The following ADGRL2 variants were observed in gnomAD, a reference collection of about 807,000 sequenced individuals.
The protein encoded by ADGRL2 is calcium-independent alpha-latrotoxin receptor 2.
A neutral mutation model predicts 157.4 loss-of-function variants in ADGRL2; 44 were observed. That is an observed-to-expected ratio of 0.28 (90% CI 0.22 to 0.36). The LOEUF (loss-of-function observed/expected upper bound fraction) is 0.36, where lower values mean the gene tolerates loss of function less well. Among genes scored for constraint, ADGRL2 ranks in the 10% least tolerant of loss-of-function variants. ADGRL2 has a pLI of 1.00. For missense variants in ADGRL2, 1,510 were observed against 1,768.9 expected, an observed-to-expected ratio of 0.85 and a Z score of 2.63; for synonymous variants, 585 against 624.7, an observed-to-expected ratio of 0.94 and a Z score of 0.95.
At chr1:81,838,926 A>G (rs1490020030) in intron 2 of ADGRL2, among the ~76,000 whole-genome samples, 3 of 151,958 alleles carry the variant, frequency 2.0e-5, no homozygotes, top group Admixed American at 6.6e-5. Context: ...GGACGAACCC[A>G]TACTGCTAAC....
chr1:81,520,954 A>G (rs2079300257), intron 2 of ADGRL2, among the ~76,000 whole-genome samples: 1 of 152,198 alleles, frequency 6.6e-6, no homozygotes, highest in Non-Finnish European at 1.5e-5. Context: ...CCAGCATTCT[A>G]GCCAACAGAA....
chr1:81,855,969 G>T (rs2093188130), intron 2 of ADGRL2, among the ~76,000 whole-genome samples: 1 of 152,162 alleles, frequency 6.6e-6, no homozygotes, highest in African/African-American at 2.4e-5. Flanking sequence ...TATATAGTTT[G>T]TTCGTGGTAA....
chr1:81,815,022 A>T (rs1215236264), intron 1 of ADGRL2, among the ~76,000 whole-genome samples: 1 of 151,714 alleles, frequency 6.6e-6, no homozygotes, highest in East Asian at 1.9e-4. Context: ...ACTCATGGGT[A>T]ACTTTGTCTC....
intron 2 of ADGRL2, among the ~76,000 whole-genome samples, chr1:81,768,682 A>G (rs2149336721): frequency 6.6e-6 from 1 of 152,202 alleles, no homozygotes; most frequent in East Asian, 1.9e-4. Context: ...TATGTTGTTC[A>G]GGCTGGTCTC....
At position 81,701,560 on chromosome 1, in the gene ADGRL2, T is replaced by C. The variant is rs913487712; in HGVS notation, c.-143+1752T>C. Among the ~76,000 whole-genome samples, 4 of 152,148 alleles carry C rather than the reference T, an allele frequency of 2.6e-5. No individual in the cohort carries two copies. In the South Asian group the frequency reaches 8.3e-4, roughly 32 times the overall value. On this transcript the variant is annotated intron_variant, in intron 1 of 20. Coordinates refer to the ADGRL2 transcript ENST00000359929. ...TTTTCCATTCTGACCACTGAATCTT[T>C]TCAGAGATCAGCTTCAACCAAATTC...
chr1:81,338,904 T>C (rs1571248), intron 1 of ADGRL2, among the ~76,000 whole-genome samples: 148,277 of 152,262 alleles, frequency 0.97, 72,225 homozygotes, highest in East Asian at 1. Context: ...CTCTTCTTTC[T>C]CGTGTTTTGA....
intron 1 of ADGRL2, among the ~76,000 whole-genome samples, chr1:81,417,634 A>G (rs1352839724): frequency 2.0e-5 from 3 of 152,218 alleles, no homozygotes; most frequent in African/African-American, 7.2e-5. Flanking sequence ...ATATATTACT[A>G]GGCTCTACTT....
intron 3 of ADGRL2, among the ~76,000 whole-genome samples, chr1:81,680,721 A>T (rs1261418878): frequency 3.9e-5 from 6 of 152,278 alleles, no homozygotes; most frequent in African/African-American, 9.6e-5. Flanking sequence ...AATTTTTTTT[A>T]AATTGTATCA....
chr1:81,963,364 C>A (rs914388775), intron 11 of ADGRL2, among the ~76,000 whole-genome samples: 2 of 151,872 alleles, frequency 1.3e-5, no homozygotes, highest in Non-Finnish European at 2.9e-5. Context: ...TTGTTTTTTC[C>A]TTTATACCTT....
At chr1:81,698,432 G>A (rs961899054), upstream of ADGRL2, among the ~76,000 whole-genome samples, 1 of 152,098 alleles carries the variant, frequency 6.6e-6, no homozygotes. Context: ...AGTTATAAAT[G>A]TACCTCTAAA....
intron 1 of ADGRL2, among the ~76,000 whole-genome samples, chr1:81,717,361 A>G (rs1241256768): frequency 2.6e-5 from 4 of 152,216 alleles, no homozygotes; most frequent in Admixed American, 1.3e-4. Flanking sequence ...AAGGCTATGC[A>G]TCATCATGCT....
At chr1:81,428,361 G>T (rs544417148) in intron 1 of ADGRL2, among the ~76,000 whole-genome samples, 3 of 151,930 alleles carry the variant, frequency 2.0e-5, no homozygotes, top group South Asian at 2.1e-4. Context: ...ACCTCAGTAT[G>T]CCAAGAGGCT....
intron 3 of ADGRL2, among the ~76,000 whole-genome samples, chr1:81,610,816 C>CTT (rs2148668426): frequency 6.6e-6 from 1 of 152,190 alleles, no homozygotes; most frequent in East Asian, 1.9e-4. Flanking sequence ...AATTAGGAGG[C>CTT]AGAATGAAGG....
At position 81,991,520 on chromosome 1, in the gene ADGRL2, G is replaced by A. The variant is rs1482174908; in HGVS notation, c.*375G>A. 1.2e-5 allele frequency: 2 copies of A among 170,880 alleles called. No individual in the cohort carries two copies. Among genetic ancestry groups the A allele is most frequent in the African/African-American group, 4.8e-5 (2 of 41,852 alleles). The allele number at this position is 170,880 out of a possible 1,614,324, so 10.6% of individuals were successfully genotyped here. A position where few individuals can be genotyped will look rare whatever the true frequency, so the allele number is the denominator to read the frequency against. ...TGCACCATTTTTGTAGGCCTGCATT[G>A]TATTATATACAAGACGTAGGCTTTA... On this transcript the variant is annotated 3_prime_UTR_variant, in exon 24 of 24. Transcript: ENST00000686636.
intron 1 of ADGRL2, among the ~76,000 whole-genome samples, chr1:81,700,722 A>C (rs1196657241): frequency 6.6e-6 from 1 of 152,214 alleles, no homozygotes; most frequent in Non-Finnish European, 1.5e-5. Context: ...GGGGAAAGAT[A>C]GGAGAGGAAA....
chr1:81,867,015 A>G (rs2093560708), intron 2 of ADGRL2, among the ~76,000 whole-genome samples: 4 of 152,152 alleles, frequency 2.6e-5, no homozygotes. Flanking sequence ...ACTGGAATAT[A>G]AGTTATCTGT....
chr1:81,932,999 G>A (rs1034323633), intron 3 of ADGRL2, among the ~76,000 whole-genome samples: 5 of 152,188 alleles, frequency 3.3e-5, no homozygotes, highest in African/African-American at 4.8e-5. Flanking sequence ...ACCGTGCCTG[G>A]CCAATAATTT....
chr1:81,942,964 G>A lies in ADGRL2; in HGVS notation c.410-5G>A, dbSNP rs1178838951. On this transcript the variant is annotated splice_polypyrimidine_tract_variant and splice_region_variant and intron_variant, in intron 5 of 23. Coordinates refer to ENST00000686636, the MANE Select transcript of ADGRL2 (RefSeq NM_001366006.2). ...TTAATTTTTGTCTTTCTCTGTAACT[G>A]TTAGTTTTTGTGTGTCCTGGGACCT... 6.2e-7 allele frequency: 1 copy of A among 1,600,070 alleles called. No homozygotes were observed. Among genetic ancestry groups the A allele is most frequent in the African/African-American group, 1.3e-5 (1 of 74,236 alleles).
At chr1:81,721,912 C>A in intron 1 of ADGRL2, 1 of 704,214 alleles carries the variant, frequency 1.4e-6, no homozygotes, top group Non-Finnish European at 2.6e-6. Context: ...GCAGACAAAC[C>A]ATCAAGTGAG....
Sources: allele counts gnomAD v4.1 joint callset (sites outside exome capture counted in the v4.1 genomes callset), GRCh38; gene constraint gnomAD v4.1.1; transcripts MANE v1.5; gene names NCBI Gene and HGNC (gene_info 2026-07-23, HGNC 2026-07-21).